The following SGCZ variants were observed in gnomAD, a reference collection of about 807,000 sequenced individuals.
SGCZ encodes sarcoglycan zeta.
A neutral mutation model predicts 41.3 loss-of-function variants in SGCZ; 40 were observed. That is an observed-to-expected ratio of 0.97 (90% CI 0.75 to 1.26). The LOEUF is 1.26. Ranked by LOEUF, SGCZ falls within the 50% of genes most tolerant of loss-of-function variation. The probability of loss-of-function intolerance (pLI) is 0.00; values close to 1 mark genes in which losing one functional copy is unlikely to be tolerated. For synonymous variants in SGCZ, 206 were observed against 137.5 expected (o/e 1.50, Z -3.49); for missense variants, 552 against 369.8 (o/e 1.49, Z -4.04).
chr8:14,670,852 A>G (rs970609423), intron 1 of SGCZ, among the ~76,000 whole-genome samples: 11 of 152,224 alleles, frequency 7.2e-5, no homozygotes, highest in Non-Finnish European at 1.0e-4. Flanking sequence ...GTCAAAGCTC[A>G]CATTCATTTC....
At chr8:15,036,828 G>A (rs375770293) in intron 1 of SGCZ, among the ~76,000 whole-genome samples, 3 of 151,960 alleles carry the variant, frequency 2.0e-5, no homozygotes, top group African/African-American at 7.2e-5. Flanking sequence ...ATTAACATAG[G>A]TGCAAAAGTC....
chr8:14,675,350 T>C (rs549629733), intron 1 of SGCZ, among the ~76,000 whole-genome samples: 1 of 151,932 alleles, frequency 6.6e-6, no homozygotes, highest in Non-Finnish European at 1.5e-5. Context: ...CAAACATTTC[T>C]CTCTTTAGAA....
At chr8:15,192,335 GCATA>G (rs1800569832) in intron 1 of SGCZ, among the ~76,000 whole-genome samples, 1 of 151,912 alleles carries the variant, frequency 6.6e-6, no homozygotes. Flanking sequence ...TTTTAAGTAC[GCATA>G]CAAATTTTTC....
intron 1 of SGCZ, among the ~76,000 whole-genome samples, chr8:14,614,390 A>C (rs1014935490): frequency 6.6e-6 from 1 of 152,316 alleles, no homozygotes; most frequent in Admixed American, 6.5e-5. Flanking sequence ...TACAGAATAA[A>C]AAAATGTAAA....
chr8:15,024,071 A>G (rs1371357018), intron 1 of SGCZ, among the ~76,000 whole-genome samples: 1 of 152,224 alleles, frequency 6.6e-6, no homozygotes, highest in African/African-American at 2.4e-5. Context: ...TTTCTTGAGC[A>G]TTATAAGACC....
chr8:14,518,124 C>T (rs563430729), intron 2 of SGCZ, among the ~76,000 whole-genome samples: 2 of 151,768 alleles, frequency 1.3e-5, no homozygotes, highest in African/African-American at 4.8e-5. Context: ...TAGATTTTTT[C>T]TTCTCTCTCT....
chr8:14,353,784 C>T (rs1056317069), intron 2 of SGCZ, among the ~76,000 whole-genome samples: 1 of 151,988 alleles, frequency 6.6e-6, no homozygotes, highest in African/African-American at 2.4e-5. Flanking sequence ...TGTTTAAAAT[C>T]TTTAAAATGT....
At chr8:14,896,837 G>C in intron 1 of SGCZ, among the ~76,000 whole-genome samples, 1 of 151,354 alleles carries the variant, frequency 6.6e-6, no homozygotes, top group African/African-American at 2.4e-5. Context: ...CTGGAGTGCA[G>C]TGGTGTGAAC....
intron 1 of SGCZ, among the ~76,000 whole-genome samples, chr8:15,100,729 T>A (rs2131080910): frequency 6.6e-6 from 1 of 152,322 alleles, no homozygotes; most frequent in Non-Finnish European, 1.5e-5. Flanking sequence ...ACTACTATAA[T>A]CCTGGCATTT....
chr8:15,221,177 G>A (rs1296560711), intron 1 of SGCZ, among the ~76,000 whole-genome samples: 2 of 152,038 alleles, frequency 1.3e-5, no homozygotes, highest in Non-Finnish European at 2.9e-5. Flanking sequence ...AATTACATAA[G>A]CAAATAATTA....
intron 1 of SGCZ, among the ~76,000 whole-genome samples, chr8:14,971,836 G>C (rs913985789): frequency 1.3e-5 from 2 of 151,676 alleles, no homozygotes; most frequent in African/African-American, 4.8e-5. Flanking sequence ...TTTTAGTAGA[G>C]ACGGGGTTTC....
At chr8:15,119,765 C>T (rs553299455) in intron 1 of SGCZ, among the ~76,000 whole-genome samples, 78 of 152,216 alleles carry the variant, frequency 5.1e-4, no homozygotes, top group Non-Finnish European at 4.3e-4. Context: ...ATCACTACCA[C>T]GCTCTTATAT....
intron 4 of SGCZ, among the ~76,000 whole-genome samples, chr8:14,167,850 G>A (rs546544871): frequency 3.5e-4 from 53 of 152,188 alleles, no homozygotes; most frequent in Middle Eastern, 6.8e-3. Flanking sequence ...GACAAAGAGA[G>A]ATAATTCAGT....
rs917694336 is a variant in SGCZ at position 14,431,173 on chromosome 8, T to C, written c.235-106969A>G. On this transcript the variant is annotated intron_variant, in intron 2 of 7. Coordinates refer to ENST00000382080, the MANE Select transcript of SGCZ (RefSeq NM_139167.4). Reference sequence around the variant, plus strand: ...CAAAATACCACAACCATTCTTCACATAATGAGGAAAAACAATCCTAAAATT... The same window carrying C: ...CAAAATACCACAACCATTCTTCACACAATGAGGAAAAACAATCCTAAAATT... 9.2e-5 allele frequency among the ~76,000 whole-genome samples: 14 copies of C among 152,046 alleles called. 1 individual carries two copies. Among genetic ancestry groups the C allele is most frequent in the African/African-American group, 3.4e-4 (14 of 41,486 alleles).
intron 1 of SGCZ, among the ~76,000 whole-genome samples, chr8:14,990,634 G>T (rs1277580624): frequency 1.3e-5 from 2 of 151,980 alleles, no homozygotes; most frequent in Admixed American, 1.3e-4. Context: ...CGAGATCATG[G>T]CTCTCACTGA....
intron 1 of SGCZ, among the ~76,000 whole-genome samples, chr8:15,211,654 C>T (rs1217115984): frequency 3.9e-5 from 6 of 152,108 alleles, no homozygotes. Flanking sequence ...ATGTGATCAT[C>T]TCTAAACTAG....
rs576761457 is a variant in SGCZ at position 14,707,033 on chromosome 8, T to A, written c.40-152107A>T. 6.8e-4 allele frequency among the ~76,000 whole-genome samples: 104 copies of A among 151,902 alleles called. 1 individual carries two copies. Among genetic ancestry groups the A allele is most frequent in the Admixed American group, 2.0e-3 (30 of 15,244 alleles). ...GAAAGTTTATTTAAAATCTTTTTTT[T>A]AAAATTTTATTATTATTATACTTTA... On this transcript the variant is annotated intron_variant, in intron 1 of 7. Coordinates refer to ENST00000382080, the MANE Select transcript of SGCZ (RefSeq NM_139167.4).
At chr8:14,640,670 G>A (rs905034541) in intron 1 of SGCZ, among the ~76,000 whole-genome samples, 1 of 110,676 alleles carries the variant, frequency 9.0e-6, no homozygotes, top group South Asian at 2.7e-4. Context: ...GTGTGTGTGT[G>A]TGTATATATT....
intron 3 of SGCZ, among the ~76,000 whole-genome samples, chr8:14,321,847 C>T (rs369047975): frequency 7.2e-4 from 109 of 152,160 alleles, no homozygotes; most frequent in African/African-American, 2.6e-3. Context: ...TTAAAAACAT[C>T]ATTTCTGCTT....
Sources: allele counts gnomAD v4.1 joint callset (sites outside exome capture counted in the v4.1 genomes callset), GRCh38; gene constraint gnomAD v4.1.1; transcripts MANE v1.5; gene names NCBI Gene and HGNC (gene_info 2026-07-23, HGNC 2026-07-21).